ZNF273: variants seen among roughly 807,000 people sequenced by gnomAD.
ZNF273 encodes zinc finger protein 9.
In ZNF273, 11 loss-of-function variants were observed where a neutral mutation model predicts 14.9. That is an observed-to-expected ratio of 0.74 (90% confidence interval 0.46 to 1.22). The LOEUF (loss-of-function observed/expected upper bound fraction) is 1.22, where lower values mean the gene tolerates loss of function less well. Among genes scored for constraint, ZNF273 ranks in the 50% most tolerant of loss-of-function variants. The pLI is 0.00. For synonymous variants in ZNF273, 199 were observed against 223.9 expected, an observed-to-expected ratio of 0.89 and a Z score of 0.99; for missense variants, 577 against 660.6, an observed-to-expected ratio of 0.87 and a Z score of 1.39.
chr7:64,898,000 T>C (rs1792467051), exon 4 of ZNF273: 1 of 152,224 alleles, frequency 6.6e-6, no homozygotes, highest in African/African-American at 2.4e-5. Context: ...GTGCTGGTAT[T>C]ACAGGCGTGA....
chr7:64,900,664 T>G (rs1187054708), upstream of ZNF273, among the ~76,000 whole-genome samples: 1 of 152,086 alleles, frequency 6.6e-6, no homozygotes, highest in Non-Finnish European at 1.5e-5. Flanking sequence ...AATAAAAAAT[T>G]AGGGTGGGGG....
chr7:64,926,419 T>C (rs955062531), intron 3 of ZNF273, among the ~76,000 whole-genome samples: 2 of 152,100 alleles, frequency 1.3e-5, no homozygotes, highest in African/African-American at 2.4e-5. Context: ...ATTTTTTAGT[T>C]TTTTTGTCAT....
downstream of ZNF273, chr7:64,889,705 G>A (rs1791852700): frequency 1.0e-6 from 1 of 986,006 alleles, no homozygotes; most frequent in Non-Finnish European, 1.2e-6. The surrounding 1 kb of genome is among the most constrained non-coding windows in gnomAD (Gnocchi z 4.2). Flanking sequence ...CGCTCGGGAT[G>A]CGGTTTGGGA....
chr7:64,880,585 C>T (rs1162732138), downstream of ZNF273, among the ~76,000 whole-genome samples: 4 of 150,976 alleles, frequency 2.6e-5, no homozygotes, highest in East Asian at 5.8e-4. Flanking sequence ...CTTTTTTTTT[C>T]GAGTCGCCCC....
chr7:64,914,350 T>TAAA (rs71567879), intron 1 of ZNF273, among the ~76,000 whole-genome samples: 29 of 143,410 alleles, frequency 2.0e-4, no homozygotes, highest in African/African-American at 5.4e-4. Flanking sequence ...TTCTGCTATT[T>TAAA]AAAAAAAAAA....
In ZNF273 at chr7:64,929,855, G is replaced by GTT; in HGVS notation, c.*822_*823dup. ...TTTTTTTTTTTGGTTTTGGTTTTGGGTTTTTTGTTTGTTTGTTTGTTTGTT... is the reference window on the plus strand; with the variant it reads ...TTTTTTTTTTTGGTTTTGGTTTTGGGTTTTTTTTGTTTGTTTGTTTGTTTGTT... On this transcript the variant is annotated 3_prime_UTR_variant, in exon 4 of 4. Coordinates refer to ENST00000476120, the MANE Select transcript of ZNF273 (RefSeq NM_021148.3). 1 of 148,032 alleles carries GTT rather than the reference G, an allele frequency of 6.8e-6. No homozygotes were observed. The highest frequency in any genetic ancestry group is 1.4e-5 in the Non-Finnish European group (1 of 70,636). The allele number at this position is 148,032 out of a possible 1,614,324, so 9.2% of individuals were successfully genotyped here. A position where few individuals can be genotyped will look rare whatever the true frequency, so the allele number is the denominator to read the frequency against.
At chr7:64,934,513 G>A (rs1307417200), downstream of ZNF273, among the ~76,000 whole-genome samples, 5 of 151,834 alleles carry the variant, frequency 3.3e-5, no homozygotes, top group African/African-American at 1.2e-4. Flanking sequence ...GTGAAATGAG[G>A]GCCTCATTGC....
chr7:64,917,370 T>G (rs1425929791), intron 1 of ZNF273, among the ~76,000 whole-genome samples: 2 of 152,238 alleles, frequency 1.3e-5, no homozygotes, highest in East Asian at 3.8e-4. Flanking sequence ...ATATATAAAC[T>G]GCTATTGTGG....
chr7:64,904,274 G>C (rs1792936378), intron 1 of ZNF273, among the ~76,000 whole-genome samples: 1 of 151,184 alleles, frequency 6.6e-6, no homozygotes. Flanking sequence ...TATTTTAGTA[G>C]AGTCTGGGTT....
chr7:64,894,146 A>C (rs1367637216), downstream of ZNF273, among the ~76,000 whole-genome samples: 2 of 152,090 alleles, frequency 1.3e-5, no homozygotes, highest in African/African-American at 4.8e-5. Context: ...CTGAAACTAC[A>C]GGCGCGTGCC....
At chr7:64,890,498 C>T (rs751428191), downstream of ZNF273, among the ~76,000 whole-genome samples, 1 of 152,086 alleles carries the variant, frequency 6.6e-6, no homozygotes, top group Non-Finnish European at 1.5e-5. Flanking sequence ...CTGGGGAGGA[C>T]GAACTCCCTT....
upstream of ZNF273, among the ~76,000 whole-genome samples, chr7:64,899,424 G>T (rs774602333): frequency 6.6e-6 from 1 of 152,178 alleles, no homozygotes; most frequent in African/African-American, 2.4e-5. Flanking sequence ...GGAGGCCAAG[G>T]TGAGTGGATC....
At chr7:64,880,687 G>A (rs956615741), downstream of ZNF273, among the ~76,000 whole-genome samples, 1 of 152,054 alleles carries the variant, frequency 6.6e-6, no homozygotes, top group African/African-American at 2.4e-5. Context: ...GCTATAAATT[G>A]GCGGGCTAGC....
chr7:64,883,105 G>C (rs772592175), downstream of ZNF273, among the ~76,000 whole-genome samples: 1 of 152,046 alleles, frequency 6.6e-6, no homozygotes, highest in South Asian at 2.1e-4. Flanking sequence ...GTACGCCTCT[G>C]TGCGGCTCTG....
At chr7:64,906,539 TA>T (rs1382928913) in intron 1 of ZNF273, among the ~76,000 whole-genome samples, 2 of 152,152 alleles carry the variant, frequency 1.3e-5, no homozygotes, top group African/African-American at 4.8e-5. Flanking sequence ...ACATGGAAAT[TA>T]AAGCTTCAGC....
chr7:64,886,164 G>A (rs1791566088), intron 1 of ZNF273, among the ~76,000 whole-genome samples: 1 of 152,186 alleles, frequency 6.6e-6, no homozygotes, highest in Non-Finnish European at 1.5e-5. Context: ...GAGCAGTTTT[G>A]AAGAAGAAAT....
intron 1 of ZNF273, among the ~76,000 whole-genome samples, chr7:64,909,913 G>A (rs768901446): frequency 4.0e-5 from 6 of 151,356 alleles, no homozygotes; most frequent in Non-Finnish European, 8.8e-5. Flanking sequence ...ATCTCACTGT[G>A]GTTTTTCTTT....
rs1007674819 is a variant in ZNF273 at position 64,888,631 on chromosome 7, CCTGGAT to C, written n.336_341del. The C allele has an allele frequency of 1.1e-4, 111 of 985,754 alleles. 1 individual carries two copies. Among genetic ancestry groups the C allele is most frequent in the Middle Eastern group, 5.2e-4 (1 of 1,938 alleles). 61.1% of individuals were successfully genotyped at this position (985,754 alleles called of 1,614,324 possible). On this transcript the variant is annotated non_coding_transcript_exon_variant, in exon 2 of 2. Transcript: ENST00000471926. ...CCACCACCCAGCAGGAGCGGGGCGG[CCTGGAT>C]CTGTTTTCTGCCCCTGACCAGGGGG...
intron 3 of ZNF273, among the ~76,000 whole-genome samples, chr7:64,925,108 T>A (rs555668458): frequency 6.6e-6 from 1 of 152,212 alleles, no homozygotes; most frequent in East Asian, 1.9e-4. Context: ...GGCCGATTTT[T>A]CAATTTTTTA....
Sources: gnomAD v4.1 joint callset for allele counts (sites outside exome capture counted in the v4.1 genomes callset) on GRCh38, gnomAD v4.1.1 for gene constraint, Gnocchi (gnomAD v3.1) non-coding constraint, MANE v1.5 for transcripts, NCBI Gene and HGNC (gene_info 2026-07-23, HGNC 2026-07-21) for gene names.